CSMD1: variants seen among roughly 807,000 people sequenced by gnomAD.
CSMD1 encodes CUB and Sushi multiple domains 1, also known as CUB and sushi domain-containing protein 1.
CSMD1 carries 213 observed loss-of-function variants against 417.5 expected under a neutral mutation model. The ratio of observed to expected loss-of-function variants is 0.51; its 90% CI spans 0.46 to 0.57. The LOEUF is 0.57. Among genes scored for constraint, CSMD1 ranks in the 20% least tolerant of loss-of-function variants. The pLI, the probability that CSMD1 is intolerant of heterozygous loss-of-function variation, is 0.00. For synonymous variants in CSMD1, 2,862 were observed against 1,736.8 expected (o/e 1.65, Z -16.11); for missense variants, 6,923 against 4,529.7 (o/e 1.53, Z -15.17).
chr8:3,801,739 T>C (rs1418992071), intron 5 of CSMD1, among the ~76,000 whole-genome samples: 1 of 152,182 alleles, frequency 6.6e-6, no homozygotes, highest in Admixed American at 6.6e-5. Context: ...CACCAACTGA[T>C]GACTCTGGAC....
At position 4,409,056 on chromosome 8, in the gene CSMD1, G is replaced by A. The variant is rs117970657; in HGVS notation, c.415+10897C>T. Among the ~76,000 whole-genome samples the A allele has an allele frequency of 1.7e-4, 26 of 152,242 alleles. 2 individuals carry two copies. The East Asian group carries it at 5.0e-3, about 29-fold the overall frequency. ...ACTTTGTCATTTGGGTGCACATTCGGCATTGAATTTATTGGATAGCAGACT... is the reference window on the plus strand; with the variant it reads ...ACTTTGTCATTTGGGTGCACATTCGACATTGAATTTATTGGATAGCAGACT... On this transcript the variant is annotated intron_variant, in intron 3 of 69. Transcript: ENST00000635120.
chr8:3,813,091 GTTTT>G (rs10714284), intron 5 of CSMD1, among the ~76,000 whole-genome samples: 2 of 135,512 alleles, frequency 1.5e-5, no homozygotes. Flanking sequence ...TTTTAAGCTA[GTTTT>G]TTTTTTTTTT....
At chr8:3,718,381 T>C (rs1307010241) in intron 6 of CSMD1, among the ~76,000 whole-genome samples, 1 of 152,130 alleles carries the variant, frequency 6.6e-6, no homozygotes, top group Non-Finnish European at 1.5e-5. Context: ...CATTATCAAA[T>C]TTTATTTCTA....
At chr8:3,572,897 C>T (rs980497592) in intron 10 of CSMD1, among the ~76,000 whole-genome samples, 1 of 152,088 alleles carries the variant, frequency 6.6e-6, no homozygotes, top group African/African-American at 2.4e-5. Flanking sequence ...TCTAAATTCT[C>T]AATATCATAT....
chr8:4,100,607 C>G (rs1419784265), intron 3 of CSMD1, among the ~76,000 whole-genome samples: 1 of 152,120 alleles, frequency 6.6e-6, no homozygotes, highest in African/African-American at 2.4e-5. Flanking sequence ...TCAAAATATA[C>G]AGTTTCCACC....
intron 3 of CSMD1, among the ~76,000 whole-genome samples, chr8:4,038,823 G>A (rs1230427887): frequency 1.3e-5 from 2 of 152,164 alleles, no homozygotes; most frequent in Admixed American, 6.5e-5. Flanking sequence ...GGTTTCCACT[G>A]GACCCCATGA....
chr8:3,277,616 G>T (rs1473227726), intron 26 of CSMD1, among the ~76,000 whole-genome samples: 1 of 152,150 alleles, frequency 6.6e-6, no homozygotes, highest in East Asian at 1.9e-4. Context: ...CCAAAACCGG[G>T]AAGATGTCAA....
At chr8:4,761,799 A>T (rs1812086517) in intron 1 of CSMD1, among the ~76,000 whole-genome samples, 1 of 152,078 alleles carries the variant, frequency 6.6e-6, no homozygotes, top group Non-Finnish European at 1.5e-5. Flanking sequence ...ATTGTGAATA[A>T]ACCTGGTAGT....
At chr8:4,292,507 C>T (rs1203281357) in intron 3 of CSMD1, among the ~76,000 whole-genome samples, 1 of 152,088 alleles carries the variant, frequency 6.6e-6, no homozygotes, top group Non-Finnish European at 1.5e-5. Flanking sequence ...CTGCCTTGGC[C>T]TCCCCGAGTG....
intron 27 of CSMD1, among the ~76,000 whole-genome samples, chr8:3,227,153 C>T (rs970368939): frequency 2.6e-5 from 4 of 152,138 alleles, no homozygotes; most frequent in African/African-American, 7.2e-5. Context: ...GCAATCCCAG[C>T]ACTTTGGGAG....
chr8:4,450,124 G>C (rs912961672), intron 2 of CSMD1, among the ~76,000 whole-genome samples: 4 of 151,962 alleles, frequency 2.6e-5, no homozygotes, highest in Admixed American at 1.3e-4. Context: ...GCACTTCTTT[G>C]TCCATTGTTT....
chr8:3,080,200 G>A (rs1366364630), intron 49 of CSMD1, among the ~76,000 whole-genome samples: 1 of 152,190 alleles, frequency 6.6e-6, no homozygotes. Flanking sequence ...GAACTTGAAA[G>A]CAGTGCACTC....
chr8:4,057,899 G>C (rs149666336), intron 3 of CSMD1, among the ~76,000 whole-genome samples: 4,550 of 152,040 alleles, frequency 0.03, 221 homozygotes, highest in African/African-American at 0.1. Flanking sequence ...CTATATCTCT[G>C]TTTTGGTACC....
At chr8:4,692,216 G>A (rs1305156770) in intron 1 of CSMD1, among the ~76,000 whole-genome samples, 2 of 151,918 alleles carry the variant, frequency 1.3e-5, no homozygotes, top group Admixed American at 6.6e-5. Context: ...GCTACTTACC[G>A]ACCTCACTCA....
intron 4 of CSMD1, among the ~76,000 whole-genome samples, chr8:4,022,027 C>T (rs543747782): frequency 6.6e-6 from 1 of 151,334 alleles, no homozygotes; most frequent in Non-Finnish European, 1.5e-5. Context: ...CTGGAAAGTC[C>T]AGGTGCCTAT....
intron 32 of CSMD1, 72 bp from the exon 33 acceptor site, chr8:3,199,881 G>T (rs530427120): frequency 3.4e-5 from 29 of 859,424 alleles, no homozygotes; most frequent in Non-Finnish European, 5.5e-6. Context: ...TTGGAAAATG[G>T]TGATAAAGTT....
At chr8:3,875,083 C>T (rs1263917012) in intron 5 of CSMD1, among the ~76,000 whole-genome samples, 4 of 151,830 alleles carry the variant, frequency 2.6e-5, no homozygotes, top group Admixed American at 6.6e-5. Context: ...CAGAAAGGTG[C>T]CTGGGGACCA....
chr8:4,450,628 T>A (rs567689197), intron 2 of CSMD1, among the ~76,000 whole-genome samples: 1 of 151,904 alleles, frequency 6.6e-6, no homozygotes, highest in Non-Finnish European at 1.5e-5. Context: ...ACACTCAGTC[T>A]CCAAAGAAAA....
chr8:4,966,785 T>C (rs1563891809), intron 1 of CSMD1, among the ~76,000 whole-genome samples: 1 of 152,208 alleles, frequency 6.6e-6, no homozygotes, highest in Non-Finnish European at 1.5e-5. Flanking sequence ...TCAGATATAC[T>C]CGAACTGTAA....
Sources: gnomAD v4.1 joint callset for allele counts (sites outside exome capture counted in the v4.1 genomes callset) on GRCh38, gnomAD v4.1.1 for gene constraint, MANE v1.5 for transcripts, NCBI Gene and HGNC (gene_info 2026-07-23, HGNC 2026-07-21) for gene names.